Variants in NACC2 observed in about 807,000 individuals in gnomAD.
The protein encoded by NACC2 is nucleus accumbens-associated protein 2.
A neutral mutation model predicts 25.1 loss-of-function variants in NACC2; 8 were observed. The ratio of observed to expected loss-of-function variants is 0.32; its 90% CI spans 0.19 to 0.57. NACC2 has a LOEUF of 0.57. NACC2 is among the 20% of genes least tolerant of loss of function. NACC2 has a pLI of 0.89. For synonymous variants in NACC2, 435 were observed against 294.7 expected (o/e 1.48, Z -4.88); for missense variants, 644 against 650.2 (o/e 0.99, Z 0.10).
At chr9:136,066,929 C>T (rs1329175927) in intron 1 of NACC2, among the ~76,000 whole-genome samples, 1 of 147,034 alleles carries the variant, frequency 6.8e-6, no homozygotes, top group Admixed American at 6.8e-5. Flanking sequence ...ATGTCCAGAA[C>T]AGATCATTTA....
Position 136,009,424 on chromosome 9 carries a change from A to G in NACC2, c.*2092T>C, listed in dbSNP as rs10776868. The G allele has an allele frequency of 0.85, 129,972 of 152,374 alleles. 55,543 individuals carry two copies. The highest frequency in any genetic ancestry group is 0.89 in the Middle Eastern group (263 of 294). The allele number at this position is 152,374 out of a possible 1,614,324, so 9.4% of individuals were successfully genotyped here. On this transcript the variant is annotated 3_prime_UTR_variant, in exon 6 of 6. Transcript: ENST00000277554. The stretch of plus-strand genomic sequence containing the variant: ...GCCTCTGCACCACTGAGCCACCTGC[A>G]GCCCTAGGAATGCAGGTCTTGGTCC...
chr9:136,041,100 A>AAAGG (rs1346657549), intron 2 of NACC2, among the ~76,000 whole-genome samples: 47 of 151,544 alleles, frequency 3.1e-4, no homozygotes, highest in African/African-American at 1.1e-3. Context: ...AAAGGAAAGG[A>AAAGG]AAGGAAGGAA....
chr9:136,039,796 T>A (rs1840601532), intron 2 of NACC2, among the ~76,000 whole-genome samples: 1 of 151,888 alleles, frequency 6.6e-6, no homozygotes, highest in African/African-American at 2.4e-5. Context: ...ACAAGTGACA[T>A]CACACGTAAC....
intron 1 of NACC2, 103 bp from the exon 2 acceptor site, chr9:136,050,683 G>A (rs887144425): frequency 1.7e-4 from 106 of 636,768 alleles, no homozygotes; most frequent in African/African-American, 1.6e-3. Flanking sequence ...CTTACAAAGA[G>A]CGAGCCTTCC....
intron 1 of NACC2, among the ~76,000 whole-genome samples, chr9:136,091,391 GTTC>G (rs1229002939): frequency 6.6e-6 from 1 of 152,182 alleles, no homozygotes; most frequent in Non-Finnish European, 1.5e-5. Context: ...TGAGCCCAGG[GTTC>G]TGGCTGCCAA....
chr9:136,011,492 C>A lies in NACC2; in HGVS notation c.*24G>T. 7.4e-7 allele frequency: 1 copy of A among 1,355,064 alleles called. No individual in the cohort carries two copies. 83.9% of individuals were successfully genotyped at this position (1,355,064 alleles called of 1,614,324 possible). ...ATGCAAGCAGCTCTAGTACTCGGTCCCTCGCGCAGCCACCCAGCTCCGCTT... is the reference window on the plus strand; with the variant it reads ...ATGCAAGCAGCTCTAGTACTCGGTCACTCGCGCAGCCACCCAGCTCCGCTT... On this transcript the variant is annotated 3_prime_UTR_variant, in exon 6 of 6. Coordinates refer to ENST00000277554, the MANE Select transcript of NACC2 (RefSeq NM_144653.5).
intron 1 of NACC2, among the ~76,000 whole-genome samples, chr9:136,088,768 G>A (rs966883590): frequency 1.7e-4 from 26 of 152,162 alleles, no homozygotes; most frequent in Admixed American, 1.5e-3. Context: ...CCACAGATGA[G>A]GGCTCAGGCC....
rs1840789320 is a variant in NACC2, at chr9:136,049,826, G to A, written c.696C>T (p.Leu232=). 1 of 729,370 alleles carries A rather than the reference G, an allele frequency of 1.4e-6. No homozygotes were observed. Among genetic ancestry groups the A allele is most frequent in the East Asian group, 2.5e-5 (1 of 39,382 alleles). The allele number at this position is 729,370 out of a possible 1,614,324, so 45.2% of individuals were successfully genotyped here. The part of the protein sequence containing the change: ...SYYGVPSLAT[L]IPGIQQMPYP... ...AGGGCATCTGCTGGATGCCGGGGATGAGGGTGGCCAGGCTGGGCACCCCGT... is the reference window on the plus strand; with the variant it reads ...AGGGCATCTGCTGGATGCCGGGGATAAGGGTGGCCAGGCTGGGCACCCCGT... Residue 232 remains leucine, a synonymous_variant, in exon 2 of 6, where the codon CTC becomes CTT. Coordinates refer to ENST00000277554, the MANE Select transcript of NACC2 (RefSeq NM_144653.5).
Position 136,013,177 on chromosome 9 carries a change from C to CCCCA in NACC2, c.1255+21_1255+22insTGGG. ...GAACCCAGCCCCGGCCCCACCCACCCGAGAGACCCCCAGGCTCTTACATTT... is the reference window on the plus strand; with the variant it reads ...GAACCCAGCCCCGGCCCCACCCACCCCCCAGAGAGACCCCCAGGCTCTTACATTT... On this transcript the variant is annotated intron_variant, in intron 5 of 5. Transcript: ENST00000277554. The surrounding 1 kb of genome is among the most constrained non-coding windows in gnomAD (Gnocchi z 6.6). The CCCCA allele has an allele frequency of 1.3e-6, 2 of 1,487,414 alleles. No individual in the cohort carries two copies. Among genetic ancestry groups the CCCCA allele is most frequent in the East Asian group, 2.3e-5 (1 of 43,290 alleles). 92.1% of individuals were successfully genotyped at this position (1,487,414 alleles called of 1,614,324 possible).
chr9:136,082,823 C>T (rs1021634551), intron 1 of NACC2, among the ~76,000 whole-genome samples: 1 of 152,206 alleles, frequency 6.6e-6, no homozygotes, highest in Admixed American at 6.5e-5. Context: ...GTGTTGACTG[C>T]CCTCCCTCTC....
chr9:136,082,362 C>T (rs961285829), intron 1 of NACC2, among the ~76,000 whole-genome samples: 2 of 152,254 alleles, frequency 1.3e-5, no homozygotes, highest in African/African-American at 4.8e-5. Context: ...GCTGAGCCGG[C>T]GGATGGGCCT....
At chr9:136,042,208 G>A (rs1840643692) in intron 2 of NACC2, among the ~76,000 whole-genome samples, 1 of 152,040 alleles carries the variant, frequency 6.6e-6, no homozygotes, top group African/African-American at 2.4e-5. Flanking sequence ...GGCTGGTCTC[G>A]AGCTCCTGAC....
intron 2 of NACC2, among the ~76,000 whole-genome samples, chr9:136,036,670 C>T (rs1319770694): frequency 2.6e-5 from 4 of 152,140 alleles, no homozygotes; most frequent in African/African-American, 9.6e-5. Context: ...CAAAACAGAA[C>T]TTTAGAAAAG....
At chr9:136,072,206 C>G (rs963054725) in intron 1 of NACC2, among the ~76,000 whole-genome samples, 1 of 151,386 alleles carries the variant, frequency 6.6e-6, no homozygotes. Context: ...CCATTGCACT[C>G]TAGCCTGGGC....
At chr9:136,021,934 G>T (rs1434094577) in intron 2 of NACC2, among the ~76,000 whole-genome samples, 1 of 152,244 alleles carries the variant, frequency 6.6e-6, no homozygotes, top group Non-Finnish European at 1.5e-5. Flanking sequence ...GCCACCAGGG[G>T]CTGGGGTGCG....
At position 136,014,052 on chromosome 9, in the gene NACC2, G is replaced by C. The variant is rs1215140550; in HGVS notation, c.1052-83C>G. 1.6e-5 allele frequency: 11 copies of C among 684,526 alleles called. 1 individual carries two copies. The highest frequency in any genetic ancestry group is 1.3e-4 in the Admixed American group (4 of 31,726). 42.4% of individuals were successfully genotyped at this position (684,526 alleles called of 1,614,324 possible). On this transcript the variant is annotated intron_variant, in intron 3 of 5. Transcript: ENST00000277554. The stretch of plus-strand genomic sequence containing the variant: ...AGGCGCACAGATGGGTGAGGGGGAG[G>C]GGGGGAGGTGGAGGGGGAGGAGGAG...
chr9:136,083,644 G>C (rs554010570), intron 1 of NACC2, among the ~76,000 whole-genome samples: 1 of 152,320 alleles, frequency 6.6e-6, no homozygotes, highest in Non-Finnish European at 1.5e-5. Context: ...ATGAGCCCAG[G>C]GCACCACAGG....
Position 136,055,959 on chromosome 9 carries a change from G to A in NACC2, c.-59-5379C>T, listed in dbSNP as rs1466942054. Among the ~76,000 whole-genome samples the A allele has an allele frequency of 4.6e-5, 7 of 152,196 alleles. No individual in the cohort carries two copies. The highest frequency in any genetic ancestry group is 1.0e-4 in the Non-Finnish European group (7 of 68,024). ...TGGAGTCAGCAGGAGCACAGGGGGT[G>A]TTAGGAATACAGTCTGGGGGCTGCT... On this transcript the variant is annotated intron_variant, in intron 1 of 5. Coordinates refer to ENST00000277554, the MANE Select transcript of NACC2 (RefSeq NM_144653.5). The surrounding 1 kb of genome is among the most constrained non-coding windows in gnomAD (Gnocchi z 4.9).
chr9:136,023,556 C>A (rs565175170), intron 2 of NACC2, among the ~76,000 whole-genome samples: 1 of 152,314 alleles, frequency 6.6e-6, no homozygotes, highest in African/African-American at 2.4e-5. Flanking sequence ...CTCCTACCAG[C>A]ACCAAGCCTG....
Sources: gnomAD v4.1 joint callset for allele counts (sites outside exome capture counted in the v4.1 genomes callset) on GRCh38, gnomAD v4.1.1 for gene constraint, Gnocchi (gnomAD v3.1) non-coding constraint, MANE v1.5 for transcripts, NCBI Gene and HGNC (gene_info 2026-07-23, HGNC 2026-07-21) for gene names.